LPP: variants seen among roughly 807,000 people sequenced by gnomAD.
LPP encodes the protein lipoma-preferred partner.
In LPP, 38 loss-of-function variants were observed where a neutral mutation model predicts 60.4. The observed-to-expected ratio is 0.63, with a 90% CI of 0.49 to 0.83. The LOEUF (loss-of-function observed/expected upper bound fraction) is 0.83. Ranked by LOEUF, LPP falls within the 40% of genes least tolerant of loss-of-function variation. LPP has a pLI of 0.00. For missense variants in LPP, 902 were observed against 783.6 expected (o/e 1.15, Z -1.80); for synonymous variants, 328 against 290.8 (o/e 1.13, Z -1.30).
chr3:188,220,440 A>G lies in LPP; in HGVS notation c.-189-4965A>G, dbSNP rs561633596. Among the ~76,000 whole-genome samples, 5 of 152,268 alleles carry G rather than the reference A, an allele frequency of 3.3e-5. No homozygotes were observed. In the East Asian group the frequency reaches 9.7e-4, roughly 29 times the overall value. On this transcript the variant is annotated intron_variant, in intron 1 of 11. Transcript: ENST00000617246. ...CATCTTTGAAGGCCTTGACATATGGATACTGCTACAAAGTTTCCTTTAAGG... is the reference window on the plus strand; with the variant it reads ...CATCTTTGAAGGCCTTGACATATGGGTACTGCTACAAAGTTTCCTTTAAGG...
At chr3:188,240,245 T>C (rs189239275) in intron 2 of LPP, 3 of 174,618 alleles carry the variant, frequency 1.7e-5, no homozygotes, top group Admixed American at 6.3e-5. Flanking sequence ...TATCAAATTT[T>C]AAGCCAAAAA....
intron 9 of LPP, among the ~76,000 whole-genome samples, chr3:188,831,982 T>C (rs561547462): frequency 2.0e-5 from 3 of 152,214 alleles, no homozygotes; most frequent in Non-Finnish European, 4.4e-5. Flanking sequence ...GTATTTATTC[T>C]GGGATATTGG....
At chr3:188,240,210 T>C (rs568625600) in intron 2 of LPP, 2 of 178,480 alleles carry the variant, frequency 1.1e-5, no homozygotes, top group South Asian at 2.0e-4. Flanking sequence ...TTTCCTTTCA[T>C]AAACTAATTT....
At chr3:188,698,698 G>A (rs141387064) in intron 7 of LPP, among the ~76,000 whole-genome samples, 2 of 152,168 alleles carry the variant, frequency 1.3e-5, no homozygotes, top group Admixed American at 6.5e-5. Context: ...CTTGTCTGCC[G>A]AAGCCTAAGG....
intron 5 of LPP, among the ~76,000 whole-genome samples, chr3:188,510,326 C>T (rs1815081757): frequency 6.6e-6 from 1 of 151,854 alleles, no homozygotes; most frequent in African/African-American, 2.4e-5. Flanking sequence ...GTACGTGCTC[C>T]AATAACCCTT....
chr3:188,194,180 G>A (rs1048263131), intron 1 of LPP, among the ~76,000 whole-genome samples: 1 of 152,222 alleles, frequency 6.6e-6, no homozygotes, highest in Admixed American at 6.5e-5. Context: ...TTTATGAAGT[G>A]TATTGATGGT....
rs536549800 is a variant in LPP, at chr3:188,758,263, C to A, written c.1241-1850C>A. Among the ~76,000 whole-genome samples, 6 of 152,208 alleles carry A rather than the reference C, an allele frequency of 3.9e-5. No individual in the cohort carries two copies. In the South Asian group the frequency reaches 1.2e-3, roughly 32 times the overall value. ...GCAACCTCTGCCTCCCGGGTTCAAG[C>A]GATTCTCCTGCCTCAGCCTCCTGAG... On this transcript the variant is annotated intron_variant, in intron 8 of 11. Coordinates refer to ENST00000617246, the MANE Select transcript of LPP (RefSeq NM_001375462.1).
intron 1 of LPP, among the ~76,000 whole-genome samples, chr3:188,186,757 T>C (rs962858027): frequency 6.6e-6 from 1 of 151,888 alleles, no homozygotes; most frequent in Non-Finnish European, 1.5e-5. Context: ...TTGAGTTTTT[T>C]TGGTGGTTAC....
At chr3:188,194,468 C>T (rs1044457668) in intron 1 of LPP, among the ~76,000 whole-genome samples, 2 of 152,186 alleles carry the variant, frequency 1.3e-5, no homozygotes, top group East Asian at 1.9e-4. Flanking sequence ...CCCAGGCTCA[C>T]TCCGTCCTGC....
At chr3:188,523,307 A>G (rs1819533029) in intron 5 of LPP, among the ~76,000 whole-genome samples, 2 of 152,170 alleles carry the variant, frequency 1.3e-5, no homozygotes, top group African/African-American at 4.8e-5. Flanking sequence ...TAGACAGTTG[A>G]TGTTACTGTG....
chr3:188,563,100 A>C (rs1437055137), intron 6 of LPP, among the ~76,000 whole-genome samples: 1 of 151,908 alleles, frequency 6.6e-6, no homozygotes, highest in Non-Finnish European at 1.5e-5. Context: ...ACTACTTCTA[A>C]AATGGTAGAA....
intron 1 of LPP, among the ~76,000 whole-genome samples, chr3:188,215,482 T>C (rs1322642673): frequency 1.3e-5 from 2 of 152,216 alleles, no homozygotes; most frequent in African/African-American, 4.8e-5. Flanking sequence ...TTTCTTTCTC[T>C]ATGAATGTGA....
chr3:188,321,491 T>A (rs987446574), intron 2 of LPP, among the ~76,000 whole-genome samples: 1 of 152,214 alleles, frequency 6.6e-6, no homozygotes, highest in African/African-American at 2.4e-5. Context: ...TGTTCTCCCC[T>A]GAGTTCTAAT....
intron 9 of LPP, among the ~76,000 whole-genome samples, chr3:188,783,719 A>G (rs564582299): frequency 1.1e-5 from 1 of 88,440 alleles, no homozygotes; most frequent in African/African-American, 4.3e-5. Flanking sequence ...AGTTTTTTTT[A>G]AAAAAAGAAA....
intron 9 of LPP, among the ~76,000 whole-genome samples, chr3:188,773,789 A>G (rs1248684448): frequency 6.6e-6 from 1 of 152,176 alleles, no homozygotes; most frequent in Non-Finnish European, 1.5e-5. Context: ...TAGTTTCTCC[A>G]CAAAATGGAA....
At chr3:188,198,204 C>G (rs1274445304) in intron 1 of LPP, among the ~76,000 whole-genome samples, 1 of 152,134 alleles carries the variant, frequency 6.6e-6, no homozygotes, top group Non-Finnish European at 1.5e-5. Context: ...GAAACAAATG[C>G]ACAAGGAGCT....
At chr3:188,586,874 C>T (rs561550113) in intron 6 of LPP, among the ~76,000 whole-genome samples, 2 of 151,900 alleles carry the variant, frequency 1.3e-5, no homozygotes, top group South Asian at 2.1e-4. Context: ...ACTACAGGCA[C>T]GCACCATCAG....
chr3:188,347,856 A>G (rs1465059406), intron 3 of LPP, among the ~76,000 whole-genome samples: 2 of 152,212 alleles, frequency 1.3e-5, no homozygotes, highest in East Asian at 3.8e-4. Flanking sequence ...AGATGCAGAA[A>G]TGGAGGTGGT....
chr3:188,371,641 A>ATTTTTTT (rs1158606459), intron 3 of LPP, among the ~76,000 whole-genome samples: 9 of 32,174 alleles, frequency 2.8e-4, no homozygotes, highest in Non-Finnish European at 3.1e-4. Context: ...ATATATATAT[A>ATTTTTTT]TTTTTTTTTT....
Sources: gnomAD v4.1 joint callset for allele counts (sites outside exome capture counted in the v4.1 genomes callset) on GRCh38, gnomAD v4.1.1 for gene constraint, MANE v1.5 for transcripts, NCBI Gene and HGNC (gene_info 2026-07-23, HGNC 2026-07-21) for gene names.